RELN: variants seen among roughly 807,000 people sequenced by gnomAD.
The protein encoded by RELN is reelin.
RELN carries 108 observed loss-of-function variants against 427.6 expected under a neutral mutation model. The ratio of observed to expected loss-of-function variants is 0.25; its 90% confidence interval spans 0.22 to 0.30. The LOEUF (loss-of-function observed/expected upper bound fraction) is 0.30. RELN is among the 10% of genes least tolerant of loss of function. The pLI is 1.00. For synonymous variants in RELN, 1,524 were observed against 1,513.4 expected (o/e 1.01, Z -0.16); for missense variants, 3,715 against 4,302.8 (o/e 0.86, Z 3.82).
intron 2 of RELN, among the ~76,000 whole-genome samples, chr7:103,890,903 C>A (rs550929870): frequency 6.6e-6 from 1 of 152,170 alleles, no homozygotes; most frequent in Admixed American, 6.5e-5. Context: ...TGGTGAAACC[C>A]CGTCTCTACT....
intron 3 of RELN, among the ~76,000 whole-genome samples, chr7:103,791,091 TA>T (rs1792151392): frequency 6.6e-6 from 1 of 151,926 alleles, no homozygotes; most frequent in Non-Finnish European, 1.5e-5. Flanking sequence ...ACATAACTAC[TA>T]AACATCACTG....
At chr7:103,789,710 T>C (rs1041672473) in intron 3 of RELN, among the ~76,000 whole-genome samples, 5 of 152,128 alleles carry the variant, frequency 3.3e-5, no homozygotes, top group Admixed American at 6.5e-5. Context: ...TGTGGAGAAA[T>C]AGGAATGTTA....
intron 57 of RELN, 62 bp downstream of exon 57, chr7:103,495,661 A>G: frequency 6.8e-7 from 1 of 1,472,382 alleles, no homozygotes. Context: ...CTGACTAACC[A>G]TTCTCCCTCG....
In RELN at chr7:103,483,789, G is replaced by T. The variant is rs1249967830; in HGVS notation, c.10045C>A (p.Leu3349Met). ...MSQTDSCNSDLSGPHAVDKAV... is the reference protein window; with the variant it reads ...MSQTDSCNSDMSGPHAVDKAV... ...TTGTCCACAGCGTGGGGGCCACTCA[G>T]GTCACTGTTGCAGCTGTCCGTCTGC... The change falls in exon 62 of 65, where the codon CTG becomes ATG. Residue 3349 changes from leucine (L) to methionine (M), a missense_variant. This residue lies in a region of RELN where 195 missense variants were observed against 281.3 expected (regional missense o/e 0.69). Transcript: ENST00000428762. 2 of 1,613,932 alleles carry T rather than the reference G, an allele frequency of 1.2e-6. No individual in the cohort carries two copies. Among genetic ancestry groups the T allele is most frequent in the African/African-American group, 2.7e-5 (2 of 74,936 alleles).
intron 1 of RELN, among the ~76,000 whole-genome samples, chr7:103,936,285 G>T (rs751618416): frequency 6.6e-6 from 1 of 152,008 alleles, no homozygotes; most frequent in African/African-American, 2.4e-5. Context: ...TAGAGATGGC[G>T]TTTCAACATG....
chr7:103,776,631 G>A lies in RELN; in HGVS notation c.474-4C>T. The A allele has an allele frequency of 6.2e-7, 1 of 1,613,908 alleles. No homozygotes were observed. Among genetic ancestry groups the A allele is most frequent in the African/African-American group, 1.3e-5 (1 of 75,036 alleles). On this transcript the variant is annotated splice_region_variant and splice_polypyrimidine_tract_variant and intron_variant, in intron 3 of 64. Transcript: ENST00000428762. ...GCCCCGGTGTGTTGCTGTAGCCCTG[G>A]AAACAAATAGGAAAAGGTTAATTCA...
At chr7:103,654,506 A>G (rs775580734) in intron 12 of RELN, among the ~76,000 whole-genome samples, 1 of 152,098 alleles carries the variant, frequency 6.6e-6, no homozygotes, top group African/African-American at 2.4e-5. Flanking sequence ...CCACATTAAA[A>G]AGATGTGTTC....
intron 2 of RELN, among the ~76,000 whole-genome samples, chr7:103,890,962 G>C (rs551334995): frequency 6.6e-6 from 1 of 152,244 alleles, no homozygotes; most frequent in East Asian, 1.9e-4. Flanking sequence ...TGTAATCCCA[G>C]CTGTAATCCC....
chr7:103,872,040 TTTC>T (rs1455438818), intron 2 of RELN, among the ~76,000 whole-genome samples: 1 of 104,854 alleles, frequency 9.5e-6, no homozygotes, highest in Non-Finnish European at 2.3e-5. Flanking sequence ...ATTTTTCTTT[TTTC>T]TTTTTTTTCT....
intron 4 of RELN, among the ~76,000 whole-genome samples, chr7:103,775,962 T>C (rs948657004): frequency 6.6e-6 from 1 of 152,156 alleles, no homozygotes; most frequent in East Asian, 1.9e-4. Context: ...ACTCAAGGGA[T>C]AGGGGGAACA....
chr7:103,650,871 T>C (rs1832901158), intron 15 of RELN, among the ~76,000 whole-genome samples: 1 of 152,112 alleles, frequency 6.6e-6, no homozygotes, highest in Admixed American at 6.6e-5. Context: ...GAAATCCCCT[T>C]ACCTTGGCCT....
At chr7:103,942,588 G>A (rs1056413387) in intron 1 of RELN, among the ~76,000 whole-genome samples, 1 of 152,158 alleles carries the variant, frequency 6.6e-6, no homozygotes, top group African/African-American at 2.4e-5. Flanking sequence ...AAGAGAGGAA[G>A]ACCCAGGGAA....
chr7:103,974,497 A>G (rs1468111859), intron 1 of RELN, among the ~76,000 whole-genome samples: 1 of 145,086 alleles, frequency 6.9e-6, no homozygotes, highest in African/African-American at 2.6e-5. Context: ...TTTCTACATT[A>G]TCTATAAGAT....
chr7:103,810,536 T>C (rs1354949643), intron 3 of RELN, among the ~76,000 whole-genome samples: 1 of 152,188 alleles, frequency 6.6e-6, no homozygotes, highest in Non-Finnish European at 1.5e-5. Flanking sequence ...TTCGTGACAG[T>C]CAGCAGAGCC....
chr7:103,615,618 G>A (rs1298216770), intron 20 of RELN, among the ~76,000 whole-genome samples: 1 of 152,108 alleles, frequency 6.6e-6, no homozygotes, highest in Non-Finnish European at 1.5e-5. Flanking sequence ...TTGTGTTATG[G>A]AGAAGGAAAA....
intron 8 of RELN, among the ~76,000 whole-genome samples, chr7:103,721,498 T>C (rs1790076317): frequency 6.6e-6 from 1 of 152,138 alleles, no homozygotes; most frequent in African/African-American, 2.4e-5. Context: ...CTCTTCTTGG[T>C]ACTTTTTCAT....
In RELN at chr7:103,688,907, A is replaced by G. The variant is rs1833816317; in HGVS notation, c.1144-6646T>C. On this transcript the variant is annotated intron_variant, in intron 10 of 64. Coordinates refer to ENST00000428762, the MANE Select transcript of RELN (RefSeq NM_005045.4). Reference sequence around the variant, plus strand: ...ATTAGGGCCTTTTGATGTTTGTTAAACTAGAAAAATTGTCTTTATTATTGG... The same window carrying G: ...ATTAGGGCCTTTTGATGTTTGTTAAGCTAGAAAAATTGTCTTTATTATTGG... Among the ~76,000 whole-genome samples the G allele has an allele frequency of 1.3e-5, 2 of 152,232 alleles. 1 individual carries two copies. The highest frequency in any genetic ancestry group is 1.3e-4 in the Admixed American group (2 of 15,274).
chr7:103,904,475 G>A lies in RELN; in HGVS notation c.337+12600C>T, dbSNP rs535262374. 7.9e-5 allele frequency among the ~76,000 whole-genome samples: 12 copies of A among 152,270 alleles called. No homozygotes were observed. The South Asian group carries it at 2.5e-3, about 32-fold the overall frequency. On this transcript the variant is annotated intron_variant, in intron 2 of 64. Coordinates refer to ENST00000428762, the MANE Select transcript of RELN (RefSeq NM_005045.4). ...GAACTAACTTACATTCCCACCAACA[G>A]TGTAAAAGCATTCCTATTTCTCCAC... is the stretch of plus-strand genomic sequence containing the variant.
chr7:103,778,623 T>C (rs772148804), intron 3 of RELN, among the ~76,000 whole-genome samples: 4 of 152,246 alleles, frequency 2.6e-5, no homozygotes, highest in Admixed American at 6.5e-5. Flanking sequence ...AGTCACTTTA[T>C]AGCATCTTGT....
Sources: gnomAD v4.1 joint callset for allele counts (sites outside exome capture counted in the v4.1 genomes callset) on GRCh38, gnomAD v4.1.1 for gene constraint, gnomAD v4.1.1 regional missense constraint, MANE v1.5 for transcripts, NCBI Gene and HGNC (gene_info 2026-07-23, HGNC 2026-07-21) for gene names.